Variants in KCNN2 observed in about 807,000 individuals in gnomAD.
KCNN2 encodes small conductance calcium-activated potassium channel protein 2.
A neutral mutation model predicts 55.5 loss-of-function variants in KCNN2; 24 were observed. That is an observed-to-expected ratio of 0.43 (90% CI 0.31 to 0.61). The LOEUF is 0.61. Among genes scored for constraint, KCNN2 ranks in the 20% least tolerant of loss-of-function variants. KCNN2 has a pLI of 0.08. For missense variants in KCNN2, 754 were observed against 853.6 expected (o/e 0.88, Z 1.45); for synonymous variants, 431 against 336.1 (o/e 1.28, Z -3.09).
At chr5:114,098,437 C>G (rs576023980) in intron 1 of KCNN2, among the ~76,000 whole-genome samples, 2 of 152,108 alleles carry the variant, frequency 1.3e-5, no homozygotes, top group Admixed American at 1.3e-4. Context: ...GCATTACTGC[C>G]TGAGTTCTGC....
intron 1 of KCNN2, among the ~76,000 whole-genome samples, chr5:114,166,609 A>G (rs527746675): frequency 4.6e-4 from 70 of 152,252 alleles, no homozygotes; most frequent in African/African-American, 1.5e-3. Context: ...TACGGTTTTC[A>G]CCTGGTTCTC....
At chr5:114,108,517 C>A (rs1751532898) in intron 1 of KCNN2, among the ~76,000 whole-genome samples, 1 of 152,004 alleles carries the variant, frequency 6.6e-6, no homozygotes, top group African/African-American at 2.4e-5. Context: ...TTCCCTTATG[C>A]CCTGTTCCAG....
chr5:114,061,711 AC>A (rs1322130367), intron 1 of KCNN2, among the ~76,000 whole-genome samples: 1 of 152,150 alleles, frequency 6.6e-6, no homozygotes, highest in African/African-American at 2.4e-5. Context: ...GGTTTGTGCA[AC>A]CATTCTGATC....
intron 2 of KCNN2, among the ~76,000 whole-genome samples, chr5:114,264,846 T>C (rs1255026557): frequency 6.6e-6 from 1 of 152,176 alleles, no homozygotes; most frequent in Non-Finnish European, 1.5e-5. Context: ...TGCCTTCCAG[T>C]CCCAGGAAGC....
intron 2 of KCNN2, among the ~76,000 whole-genome samples, chr5:114,316,871 C>T (rs1337843695): frequency 6.6e-6 from 1 of 152,080 alleles, no homozygotes; most frequent in African/African-American, 2.4e-5. Flanking sequence ...ATACCTGAGT[C>T]CACATGCACA....
At chr5:114,086,998 T>A (rs1476458760) in intron 1 of KCNN2, among the ~76,000 whole-genome samples, 1 of 144,386 alleles carries the variant, frequency 6.9e-6, no homozygotes, top group East Asian at 1.9e-4. Flanking sequence ...AGATGGTATC[T>A]CATCGTGGTT....
intron 3 of KCNN2, among the ~76,000 whole-genome samples, chr5:114,456,261 C>T (rs757292755): frequency 6.6e-6 from 1 of 152,104 alleles, no homozygotes; most frequent in Non-Finnish European, 1.5e-5. Context: ...AACCTAGGGC[C>T]GTTAAGAATT....
At chr5:114,336,671 T>C (rs1756929857) in intron 2 of KCNN2, among the ~76,000 whole-genome samples, 1 of 152,180 alleles carries the variant, frequency 6.6e-6, no homozygotes, top group African/African-American at 2.4e-5. Context: ...AACACCTGAA[T>C]GGGGTGCTGG....
At position 114,321,494 on chromosome 5, in the gene KCNN2, C is replaced by A. The variant is rs568270613; in HGVS notation, c.-184-39451C>A. On this transcript the variant is annotated intron_variant, in intron 2 of 10. Coordinates refer to the KCNN2 transcript ENST00000512097. ...TTGTCTATAAGTAGCTCTCTTGGAG[C>A]CCCCTCACTTGACTTGGTGGCAGGA... 2.0e-3 allele frequency among the ~76,000 whole-genome samples: 312 copies of A among 152,246 alleles called. 2 individuals are homozygous for A. Among genetic ancestry groups the A allele is most frequent in the Middle Eastern group, 0.01 (3 of 294 alleles).
rs1554084196 is a variant in KCNN2, at chr5:114,373,645, T to TATATATATATAC, written c.1218+9655_1218+9656insCATATATATATA. 6.7e-5 allele frequency among the ~76,000 whole-genome samples: 7 copies of TATATATATATAC among 105,096 alleles called. 1 individual carries two copies. The highest frequency in any genetic ancestry group is 2.3e-4 in the African/African-American group (7 of 30,652). The allele number at this position is 105,096 out of a possible 152,430, so 68.9% of individuals were successfully genotyped here. On this transcript the variant is annotated intron_variant, in intron 2 of 7. Coordinates refer to ENST00000673685, the MANE Select transcript of KCNN2 (RefSeq NM_021614.4). ...ATGGTGTTGTTATGAAGATTTTATA[T>TATATATATATAC]ATATATATATATAAAATTACTTGGA...
At chr5:114,090,245 G>C (rs1580502347) in intron 1 of KCNN2, among the ~76,000 whole-genome samples, 1 of 152,178 alleles carries the variant, frequency 6.6e-6, no homozygotes, top group African/African-American at 2.4e-5. Flanking sequence ...CTTTACAGTG[G>C]CAAGAAGCCT....
intron 1 of KCNN2, among the ~76,000 whole-genome samples, chr5:114,171,174 C>G (rs1371667265): frequency 6.6e-6 from 1 of 151,790 alleles, no homozygotes; most frequent in Non-Finnish European, 1.5e-5. Context: ...TCTAAAAGTA[C>G]CAAAGTAAAA....
chr5:114,205,116 GT>G (rs1753743479), intron 1 of KCNN2, among the ~76,000 whole-genome samples: 1 of 151,686 alleles, frequency 6.6e-6, no homozygotes, highest in Non-Finnish European at 1.5e-5. Flanking sequence ...TCACTCCTGT[GT>G]TTTGGTCAAA....
intron 2 of KCNN2, among the ~76,000 whole-genome samples, chr5:114,373,365 C>T (rs1271460575): frequency 6.6e-6 from 1 of 151,638 alleles, no homozygotes; most frequent in Non-Finnish European, 1.5e-5. Context: ...ATAACTGTCT[C>T]CAAATACTCC....
At chr5:114,104,937 A>G (rs1751451024) in intron 1 of KCNN2, among the ~76,000 whole-genome samples, 1 of 152,036 alleles carries the variant, frequency 6.6e-6, no homozygotes, top group Non-Finnish European at 1.5e-5. Context: ...GCAGGAGCAA[A>G]GAGGCACAAT....
At chr5:114,093,065 G>T (rs1337890206) in intron 1 of KCNN2, among the ~76,000 whole-genome samples, 1 of 152,096 alleles carries the variant, frequency 6.6e-6, no homozygotes, top group Non-Finnish European at 1.5e-5. Context: ...ACATTGTCAG[G>T]ATGCAGATTT....
intron 2 of KCNN2, among the ~76,000 whole-genome samples, chr5:114,364,390 GTATC>G (rs1757540311): frequency 1.3e-5 from 2 of 152,080 alleles, no homozygotes; most frequent in Admixed American, 6.5e-5. Context: ...ATGGGAGATT[GTATC>G]TATCTATATA....
At chr5:114,298,663 T>G (rs184944619) in intron 2 of KCNN2, among the ~76,000 whole-genome samples, 1 of 152,302 alleles carries the variant, frequency 6.6e-6, no homozygotes, top group Admixed American at 6.5e-5. Context: ...GAAGCCAAAA[T>G]ATACCCAGAT....
At chr5:114,479,760 A>T (rs997459340) in intron 5 of KCNN2, among the ~76,000 whole-genome samples, 1 of 152,206 alleles carries the variant, frequency 6.6e-6, no homozygotes, top group Non-Finnish European at 1.5e-5. Flanking sequence ...TGGAAATTGA[A>T]CAGCCGGCTC....
Sources: allele counts gnomAD v4.1 joint callset (sites outside exome capture counted in the v4.1 genomes callset), GRCh38; gene constraint gnomAD v4.1.1; transcripts MANE v1.5; gene names NCBI Gene and HGNC (gene_info 2026-07-23, HGNC 2026-07-21).